KCNQ1: variants seen among roughly 807,000 people sequenced by gnomAD.
KCNQ1 encodes the protein potassium voltage-gated channel subfamily Q member 1.
KCNQ1 carries 49 observed loss-of-function variants against 72.4 expected under a neutral mutation model. The ratio of observed to expected loss-of-function variants is 0.68; its 90% CI spans 0.54 to 0.86. The LOEUF is 0.86. KCNQ1 is among the 40% of genes least tolerant of loss of function. The pLI, the probability that KCNQ1 is intolerant of heterozygous loss-of-function variation, is 0.00. For synonymous variants in KCNQ1, 450 were observed against 412.6 expected (o/e 1.09, Z -1.10); for missense variants, 790 against 945.1 (o/e 0.84, Z 2.15).
chr11:2,825,039 C>A (rs1397738543), intron 15 of KCNQ1, among the ~76,000 whole-genome samples: 1 of 152,244 alleles, frequency 6.6e-6, no homozygotes, highest in Non-Finnish European at 1.5e-5. Flanking sequence ...CGAGCTCAGA[C>A]ATTGGTCTGC....
At chr11:2,708,097 A>C (rs231904) in intron 11 of KCNQ1, among the ~76,000 whole-genome samples, 151,942 of 152,338 alleles carry the variant, frequency 1, 75,774 homozygotes, top group Middle Eastern at 1. Flanking sequence ...GATCGGGGGC[A>C]CCCAGGAGAC....
chr11:2,697,010 T>C, intron 11 of KCNQ1: 1 of 398,514 alleles, frequency 2.5e-6, no homozygotes, highest in Non-Finnish European at 4.4e-6. Context: ...CAAAGTGTAG[T>C]CTGGGGATTC....
chr11:2,577,859 C>A (rs1279253481), intron 6 of KCNQ1, among the ~76,000 whole-genome samples: 2 of 152,154 alleles, frequency 1.3e-5, no homozygotes, highest in Non-Finnish European at 2.9e-5. Context: ...CAGAGACAGT[C>A]CTGCCCCCCA....
Position 2,620,366 on chromosome 11 carries a change from G to A in KCNQ1, c.1393+31512G>A, listed in dbSNP as rs1349829876. On this transcript the variant is annotated intron_variant, in intron 10 of 15. Coordinates refer to ENST00000155840, the MANE Select transcript of KCNQ1 (RefSeq NM_000218.3). This position sits in a 1 kb window ranked among gnomAD's most constrained non-coding sequence, Gnocchi z 4.5. ...TGAGTAGCTGGGATTAGAGGCATGCGCCACCACGTCCAGCTAATTTTGTAG... is the reference window on the plus strand; with the variant it reads ...TGAGTAGCTGGGATTAGAGGCATGCACCACCACGTCCAGCTAATTTTGTAG... 10 of 206,300 alleles carry A rather than the reference G, an allele frequency of 4.8e-5. No individual in the cohort carries two copies. The highest frequency in any genetic ancestry group is 1.4e-4 in the African/African-American group (6 of 43,314). The allele number at this position is 206,300 out of a possible 1,614,324, so 12.8% of individuals were successfully genotyped here. A position where few individuals can be genotyped will look rare whatever the true frequency, so the allele number is the denominator to read the frequency against.
rs1847637740 is a variant in KCNQ1 at position 2,817,373 on chromosome 11, G to A, written c.1795-30394G>A. ...TTGAACCCCTGTTGCACCCCAGGAGGAGAATCACACCAGTGCCCCCTGACC... is the reference window on the plus strand; with the variant it reads ...TTGAACCCCTGTTGCACCCCAGGAGAAGAATCACACCAGTGCCCCCTGACC... On this transcript the variant is annotated intron_variant, in intron 15 of 15. Transcript: ENST00000155840. The surrounding 1 kb of genome is among the most constrained non-coding windows in gnomAD (Gnocchi z 6.1). Among the ~76,000 whole-genome samples, 2 of 152,126 alleles carry A rather than the reference G, an allele frequency of 1.3e-5. No individual in the cohort carries two copies. Among genetic ancestry groups the A allele is most frequent in the Admixed American group, 6.5e-5 (1 of 15,274 alleles).
At chr11:2,635,008 T>G (rs1849435073) in intron 10 of KCNQ1, 1 of 152,232 alleles carries the variant, frequency 6.6e-6, no homozygotes, top group Non-Finnish European at 1.5e-5. Flanking sequence ...TCATAACCTT[T>G]GCCCACTTTT....
chr11:2,469,992 T>G (rs1019132213), intron 1 of KCNQ1, among the ~76,000 whole-genome samples: 2 of 152,124 alleles, frequency 1.3e-5, no homozygotes, highest in African/African-American at 4.8e-5. Flanking sequence ...AGCTGCGGTC[T>G]CACTCTGTCG....
rs1846050732 is a variant in KCNQ1, at chr11:2,447,152, C to T, written c.386+1668C>T. ...GAGGAAGAGGAGGAAGAGGGCTCGC[C>T]ACGCCCCAGAGGAAGTCTCTGCTTG... is the stretch of plus-strand genomic sequence containing the variant. On this transcript the variant is annotated intron_variant, in intron 1 of 15. Coordinates refer to ENST00000155840, the MANE Select transcript of KCNQ1 (RefSeq NM_000218.3). The surrounding 1 kb of genome is among the most constrained non-coding windows in gnomAD (Gnocchi z 7.6). 6.6e-6 allele frequency among the ~76,000 whole-genome samples: 1 copy of T among 152,170 alleles called. No homozygotes were observed. Among genetic ancestry groups the T allele is most frequent in the Admixed American group, 6.5e-5 (1 of 15,286 alleles).
chr11:2,664,363 A>C lies in KCNQ1; in HGVS notation c.1514+2282A>C, dbSNP rs529386046. 3 of 398,780 alleles carry C rather than the reference A, an allele frequency of 7.5e-6. No individual in the cohort carries two copies. The East Asian group carries it at 1.1e-4, about 14-fold the overall frequency. 24.7% of individuals were successfully genotyped at this position (398,780 alleles called of 1,614,324 possible). A position where few individuals can be genotyped will look rare whatever the true frequency, so the allele number is the denominator to read the frequency against. ...GGGAGCTGGGTTCCTGCATCCTCAG[A>C]AGTCAGGGTACGGTCCCTCCAGAGA... On this transcript the variant is annotated intron_variant, in intron 11 of 15. Transcript: ENST00000155840. This position sits in a 1 kb window ranked among gnomAD's most constrained non-coding sequence, Gnocchi z 5.1.
In KCNQ1 at chr11:2,848,026, G is replaced by A. The variant is rs772900793; in HGVS notation, c.*23G>A. The A allele has an allele frequency of 3.9e-6, 6 of 1,526,648 alleles. No homozygotes were observed. Among genetic ancestry groups the A allele is most frequent in the East Asian group, 2.4e-5 (1 of 41,184 alleles). The allele number at this position is 1,526,648 out of a possible 1,614,324, so 94.6% of individuals were successfully genotyped here. A position where few individuals can be genotyped will look rare whatever the true frequency, so the allele number is the denominator to read the frequency against. On this transcript the variant is annotated 3_prime_UTR_variant, in exon 16 of 16. Transcript: ENST00000155840. ...TGAGGAGGGGATGGGGCTGGGGGAT[G>A]GGCCTGAGTGAGAGGGGAGGCCAAG...
chr11:2,776,343 G>A (rs527829815), intron 13 of KCNQ1, among the ~76,000 whole-genome samples: 66 of 152,218 alleles, frequency 4.3e-4, no homozygotes, highest in South Asian at 1.2e-3. Flanking sequence ...ACCCGCCTCC[G>A]TCCCTGCTCA....
In KCNQ1 at chr11:2,668,796, T is replaced by C; in HGVS notation, c.1514+6715T>C. On this transcript the variant is annotated intron_variant, in intron 11 of 15. Coordinates refer to ENST00000155840, the MANE Select transcript of KCNQ1 (RefSeq NM_000218.3). This position sits in a 1 kb window ranked among gnomAD's most constrained non-coding sequence, Gnocchi z 4.3. ...GTGTCTTTTGATGAACAGAAGGTCT[T>C]AATTTTCATGTGGTCCAGTTAATCA... 2.5e-6 allele frequency: 1 copy of C among 398,644 alleles called. No homozygotes were observed. The highest frequency in any genetic ancestry group is 2.1e-5 in the African/African-American group (1 of 48,762). The allele number at this position is 398,644 out of a possible 1,614,324, so 24.7% of individuals were successfully genotyped here. A position where few individuals can be genotyped will look rare whatever the true frequency, so the allele number is the denominator to read the frequency against.
intron 11 of KCNQ1, among the ~76,000 whole-genome samples, chr11:2,744,074 G>C (rs766995450): frequency 2.6e-5 from 4 of 152,218 alleles, no homozygotes; most frequent in Non-Finnish European, 5.9e-5. Context: ...CCCATTGCCG[G>C]TACCCATGGT....
rs1848756328 is a variant in KCNQ1 at position 2,598,100 on chromosome 11, T to G, written c.1393+9246T>G. The stretch of plus-strand genomic sequence containing the variant: ...TATTAATTCCCTTTTCTTGGCTAAC[T>G]CTATTTTTGTTTTCTTTTACTTAAG... On this transcript the variant is annotated intron_variant, in intron 10 of 15. Transcript: ENST00000155840. This position sits in a 1 kb window ranked among gnomAD's most constrained non-coding sequence, Gnocchi z 6.2. Among the ~76,000 whole-genome samples, 1 of 151,792 alleles carries G rather than the reference T, an allele frequency of 6.6e-6. No homozygotes were observed. The highest frequency in any genetic ancestry group is 2.4e-5 in the African/African-American group (1 of 41,436).
intron 10 of KCNQ1, chr11:2,656,253 C>T: frequency 2.5e-6 from 1 of 398,652 alleles, no homozygotes; most frequent in Non-Finnish European, 4.4e-6. Flanking sequence ...CATTATATAA[C>T]CTAGGGTACT....
chr11:2,831,627 G>A (rs234858), intron 15 of KCNQ1, among the ~76,000 whole-genome samples: 36,767 of 142,666 alleles, frequency 0.26, 4,756 homozygotes, highest in African/African-American at 0.28. Flanking sequence ...TCTCTCCCCC[G>A]CTTCCTTCCA....
rs1228156609 is a variant in KCNQ1 at position 2,486,937 on chromosome 11, A to G, written c.387-40991A>G. Among the ~76,000 whole-genome samples the G allele has an allele frequency of 6.6e-6, 1 of 152,202 alleles. No homozygotes were observed. The highest frequency in any genetic ancestry group is 1.5e-5 in the Non-Finnish European group (1 of 68,044). ...CTGAACTCTATCAATGTTATATCCA[A>G]GAAATCATAGCCAAATCCAATGTCA... On this transcript the variant is annotated intron_variant, in intron 1 of 15. Transcript: ENST00000155840. The surrounding 1 kb of genome is among the most constrained non-coding windows in gnomAD (Gnocchi z 5.0).
chr11:2,753,281 T>G (rs998020256), intron 11 of KCNQ1, among the ~76,000 whole-genome samples: 1 of 151,918 alleles, frequency 6.6e-6, no homozygotes, highest in Non-Finnish European at 1.5e-5. Context: ...CTCAGGGGGA[T>G]GGGTTGGAAG....
At chr11:2,472,537 G>A (rs1298494764) in intron 1 of KCNQ1, among the ~76,000 whole-genome samples, 3 of 152,248 alleles carry the variant, frequency 2.0e-5, no homozygotes, top group South Asian at 2.1e-4. Context: ...AAGGAGGGTC[G>A]TGGCCTGGGC....
Sources: allele counts gnomAD v4.1 joint callset (sites outside exome capture counted in the v4.1 genomes callset), GRCh38; gene constraint gnomAD v4.1.1; non-coding constraint Gnocchi (gnomAD v3.1); transcripts MANE v1.5; gene names NCBI Gene and HGNC (gene_info 2026-07-23, HGNC 2026-07-21).